The following KCNIP1 variants were observed in gnomAD, a reference collection of about 807,000 sequenced individuals.
The protein encoded by KCNIP1 is A-type potassium channel modulatory protein KCNIP1.
A neutral mutation model predicts 33.0 loss-of-function variants in KCNIP1; 18 were observed. The observed-to-expected ratio is 0.55, with a 90% CI of 0.38 to 0.81. KCNIP1 has a LOEUF of 0.81. KCNIP1 is among the 30% of genes least tolerant of loss of function. The pLI is 0.00. For synonymous variants in KCNIP1, 93 were observed against 98.3 expected (o/e 0.95, Z 0.32); for missense variants, 238 against 271.6 (o/e 0.88, Z 0.87).
chr5:170,715,816 CATT>C (rs1278935696), intron 1 of KCNIP1, among the ~76,000 whole-genome samples: 33 of 152,202 alleles, frequency 2.2e-4, no homozygotes, highest in African/African-American at 7.0e-4. Flanking sequence ...ACTAGCTCAT[CATT>C]ATTTTTTATA....
At chr5:170,709,953 C>T (rs1057483109) in intron 1 of KCNIP1, among the ~76,000 whole-genome samples, 1 of 152,118 alleles carries the variant, frequency 6.6e-6, no homozygotes, top group Non-Finnish European at 1.5e-5. Context: ...CTGCAGCCTC[C>T]ACCCCTTGGG....
chr5:170,552,345 A>G (rs138994716), intron 1 of KCNIP1, among the ~76,000 whole-genome samples: 2 of 152,344 alleles, frequency 1.3e-5, no homozygotes, highest in Non-Finnish European at 2.9e-5. Context: ...TTTTCATGGA[A>G]TTCATGATCC....
At chr5:170,589,723 ATGTGGTGTGGTGTGG>A (rs70979189) in intron 1 of KCNIP1, among the ~76,000 whole-genome samples, 2,387 of 132,466 alleles carry the variant, frequency 0.018, 85 homozygotes, top group African/African-American at 0.059. Context: ...GTGTGGTGTG[ATGTGGTGTGGTGTGG>A]TGTGGTGTGG....
At chr5:170,630,471 A>T (rs1035476181) in intron 1 of KCNIP1, among the ~76,000 whole-genome samples, 1 of 152,184 alleles carries the variant, frequency 6.6e-6, no homozygotes, top group Non-Finnish European at 1.5e-5. Context: ...GGACGTACAG[A>T]TGAGTAGGGG....
chr5:170,669,815 G>A (rs7721722), intron 1 of KCNIP1, among the ~76,000 whole-genome samples: 11,731 of 152,142 alleles, frequency 0.077, 536 homozygotes, highest in Middle Eastern at 0.14. Flanking sequence ...TTCCATTTTC[G>A]CTTTTCCCCC....
Position 170,577,002 on chromosome 5 carries a change from G to A in KCNIP1, c.61+72369G>A, listed in dbSNP as rs373095302. The stretch of plus-strand genomic sequence containing the variant: ...GGGTCTCTTGCAACCCTGCTCTATG[G>A]GTGGGGGAAATCTGGACCTCCCTCT... On this transcript the variant is annotated intron_variant, in intron 1 of 7. Coordinates refer to ENST00000328939, the MANE Select transcript of KCNIP1 (RefSeq NM_014592.4). Among the ~76,000 whole-genome samples the A allele has an allele frequency of 6.8e-4, 103 of 152,290 alleles. 2 individuals are homozygous for A. The highest frequency in any genetic ancestry group is 2.3e-3 in the African/African-American group (97 of 41,570).
intron 7 of KCNIP1, among the ~76,000 whole-genome samples, chr5:170,734,779 C>G (rs915383967): frequency 1.3e-5 from 2 of 152,212 alleles, no homozygotes; most frequent in African/African-American, 4.8e-5. Context: ...AACATCACAG[C>G]CACCCTGTTA....
intron 1 of KCNIP1, among the ~76,000 whole-genome samples, chr5:170,583,066 G>A (rs1332484331): frequency 6.6e-6 from 1 of 152,116 alleles, no homozygotes; most frequent in Non-Finnish European, 1.5e-5. Context: ...TGGGTGGGAG[G>A]GCTTTCACTC....
chr5:170,572,621 C>T (rs1305065202), intron 1 of KCNIP1, among the ~76,000 whole-genome samples: 4 of 152,342 alleles, frequency 2.6e-5, no homozygotes, highest in South Asian at 2.1e-4. Flanking sequence ...AATGATTAAT[C>T]GCCTCTCAGT....
intron 5 of KCNIP1, 42 bp from the exon 6 acceptor site, chr5:170,732,758 C>A: frequency 1.5e-6 from 2 of 1,348,974 alleles, no homozygotes; most frequent in Non-Finnish European, 2.1e-6. Flanking sequence ...AGAGCTTGAC[C>A]TCATGGTTTC....
chr5:170,553,262 G>A (rs995196430), intron 1 of KCNIP1, among the ~76,000 whole-genome samples: 16 of 152,346 alleles, frequency 1.1e-4, no homozygotes, highest in African/African-American at 2.4e-4. Flanking sequence ...CCCCTGTGTC[G>A]AAACCTGTGT....
intron 1 of KCNIP1, among the ~76,000 whole-genome samples, chr5:170,560,495 G>A (rs1177051174): frequency 1.3e-5 from 2 of 152,078 alleles, no homozygotes; most frequent in African/African-American, 4.8e-5. Flanking sequence ...TCTCTCCACA[G>A]GTCTCGGTTC....
At chr5:170,720,669 G>C (rs568727162) in intron 3 of KCNIP1, among the ~76,000 whole-genome samples, 20 of 152,348 alleles carry the variant, frequency 1.3e-4, no homozygotes, top group African/African-American at 4.6e-4. Flanking sequence ...ATCCCAGATG[G>C]AGTAACTGAG....
intron 1 of KCNIP1, among the ~76,000 whole-genome samples, chr5:170,363,706 A>G (rs1763579217): frequency 6.6e-6 from 1 of 152,196 alleles, no homozygotes; most frequent in Non-Finnish European, 1.5e-5. Context: ...ACTGTGACAA[A>G]CATATATAAC....
chr5:170,605,772 T>C (rs867983938), intron 1 of KCNIP1, among the ~76,000 whole-genome samples: 13 of 55,784 alleles, frequency 2.3e-4, no homozygotes, highest in African/African-American at 8.5e-4. Context: ...ACCCTGTTCT[T>C]TTTTTTTTTT....
intron 1 of KCNIP1, among the ~76,000 whole-genome samples, chr5:170,486,902 A>G (rs1263281330): frequency 1.3e-5 from 2 of 152,184 alleles, no homozygotes; most frequent in Non-Finnish European, 2.9e-5. Flanking sequence ...AATTTATTTA[A>G]TCCCTCATTA....
intron 1 of KCNIP1, among the ~76,000 whole-genome samples, chr5:170,657,773 C>T (rs1761327453): frequency 6.6e-6 from 1 of 152,208 alleles, no homozygotes; most frequent in Non-Finnish European, 1.5e-5. Context: ...AGATGACCTT[C>T]CCACCAGGCT....
intron 1 of KCNIP1, among the ~76,000 whole-genome samples, chr5:170,414,812 A>G (rs1254467385): frequency 6.6e-6 from 1 of 152,206 alleles, no homozygotes; most frequent in Non-Finnish European, 1.5e-5. Context: ...TAAAAATTCA[A>G]TGCGTATTCT....
intron 7 of KCNIP1, among the ~76,000 whole-genome samples, chr5:170,734,182 C>A (rs1764303614): frequency 7.0e-6 from 1 of 142,468 alleles, no homozygotes; most frequent in East Asian, 4.5e-4. Context: ...CCCGAGAGGG[C>A]AACACCATTA....
Sources: allele counts gnomAD v4.1 joint callset (sites outside exome capture counted in the v4.1 genomes callset), GRCh38; gene constraint gnomAD v4.1.1; transcripts MANE v1.5; gene names NCBI Gene and HGNC (gene_info 2026-07-23, HGNC 2026-07-21).